The following NUDT4 variants were observed in gnomAD, a reference collection of about 807,000 sequenced individuals.
The protein encoded by NUDT4 is nudix hydrolase 4.
Under a neutral mutation model 23.1 loss-of-function variants are expected in NUDT4, and 5 were observed. The ratio of observed to expected loss-of-function variants is 0.22; its 90% CI spans 0.11 to 0.46. The LOEUF is 0.46. Ranked by LOEUF, NUDT4 falls within the 20% of genes least tolerant of loss-of-function variation. The probability of loss-of-function intolerance (pLI) is 0.99; values close to 1 mark genes in which losing one functional copy is unlikely to be tolerated. For synonymous variants in NUDT4, 50 were observed against 79.0 expected (o/e 0.63, Z 1.95); for missense variants, 96 against 211.6 (o/e 0.45, Z 3.39).
chr12:93,384,780 A>G (rs1875943800), intron 1 of NUDT4, among the ~76,000 whole-genome samples: 1 of 151,100 alleles, frequency 6.6e-6, no homozygotes, highest in Non-Finnish European at 1.5e-5. Context: ...TTTTTTTTTA[A>G]GAGTCTCACT....
At chr12:93,386,601 A>C (rs746363100) in intron 1 of NUDT4, among the ~76,000 whole-genome samples, 17 of 152,168 alleles carry the variant, frequency 1.1e-4, no homozygotes, top group Non-Finnish European at 5.9e-5. Flanking sequence ...AGAAGCTATT[A>C]ATAGTTGAGT....
rs962996493 is a variant in NUDT4 at position 93,381,153 on chromosome 12, G to T, written c.99+2732G>T. The T allele has an allele frequency of 2.6e-5, 4 of 152,196 alleles. 1 individual carries two copies. Among genetic ancestry groups the T allele is most frequent in the East Asian group, 1.9e-4 (1 of 5,184 alleles). 9.4% of individuals were successfully genotyped at this position (152,196 alleles called of 1,614,324 possible). A position where few individuals can be genotyped will look rare whatever the true frequency, so the allele number is the denominator to read the frequency against. On this transcript the variant is annotated intron_variant, in intron 1 of 4. Coordinates refer to ENST00000415493, the MANE Select transcript of NUDT4 (RefSeq NM_019094.6). ...CATTTTATCTTTTTCTGTTCTGTAGGGTAAATAAGTATTAGTATTTGTTTA... is the reference window on the plus strand; with the variant it reads ...CATTTTATCTTTTTCTGTTCTGTAGTGTAAATAAGTATTAGTATTTGTTTA...
At chr12:93,385,970 T>TATATATATATATTC (rs1243696865) in intron 1 of NUDT4, among the ~76,000 whole-genome samples, 1 of 118,624 alleles carries the variant, frequency 8.4e-6, no homozygotes, top group Non-Finnish European at 1.8e-5. Context: ...TATATATATA[T>TATATATATATATTC]ACATAATTTT....
rs1395782112 is a variant in NUDT4 at position 93,405,489 on chromosome 12, A to G, written c.*6110A>G. On this transcript the variant is annotated 3_prime_UTR_variant, in exon 5 of 5. Transcript: ENST00000415493. ...AAGGGTGACAAGATGAAACTGGGAG[A>G]GGGCCGGGGAGACCCGAACTCTTAA... 6.6e-6 allele frequency: 1 copy of G among 152,228 alleles called. No homozygotes were observed. The highest frequency in any genetic ancestry group is 1.5e-5 in the Non-Finnish European group (1 of 68,052). The allele number at this position is 152,228 out of a possible 1,614,324, so 9.4% of individuals were successfully genotyped here.
chr12:93,391,429 G>T (rs1565780028), intron 1 of NUDT4, among the ~76,000 whole-genome samples: 1 of 152,046 alleles, frequency 6.6e-6, no homozygotes, highest in Non-Finnish European at 1.5e-5. Flanking sequence ...GCTGGTCTTG[G>T]TGGGAGGTGC....
rs2120828663 is a variant in NUDT4, at chr12:93,378,318, C to T, written c.-5C>T. On this transcript the variant is annotated 5_prime_UTR_variant, in exon 1 of 5. Transcript: ENST00000415493. ...CAGCAGCAGCAGCAGCAGGAGCCCG[C>T]CTCTATGATGAAGTTCAAGCCCAAC... 7.5e-7 allele frequency: 1 copy of T among 1,329,570 alleles called. No homozygotes were observed. The highest frequency in any genetic ancestry group is 3.0e-5 in the East Asian group (1 of 33,068). 82.4% of individuals were successfully genotyped at this position (1,329,570 alleles called of 1,614,324 possible). A position where few individuals can be genotyped will look rare whatever the true frequency, so the allele number is the denominator to read the frequency against.
chr12:93,394,074 T>C (rs1377785308), intron 1 of NUDT4, among the ~76,000 whole-genome samples: 1 of 152,040 alleles, frequency 6.6e-6, no homozygotes, highest in Non-Finnish European at 1.5e-5. Context: ...ACGATCTCAG[T>C]TCATTGCAAC....
chr12:93,386,279 AG>A (rs1307404783), intron 1 of NUDT4, among the ~76,000 whole-genome samples: 2 of 151,978 alleles, frequency 1.3e-5, no homozygotes, highest in African/African-American at 4.8e-5. Flanking sequence ...GGCCTATAGA[AG>A]ATATTAATAG....
chr12:93,391,562 TTC>T (rs1876503154), intron 1 of NUDT4, among the ~76,000 whole-genome samples: 1 of 106,294 alleles, frequency 9.4e-6, no homozygotes, highest in African/African-American at 4.7e-5. Flanking sequence ...GAGACTCCAT[TTC>T]AAAAAAAAAA....
rs528891252 is a variant in NUDT4 at position 93,404,302 on chromosome 12, G to A, written c.*4923G>A. ...TAAAATAAAATGCTCAGCAGCAAAG[G>A]ATTTGTAATGGTTAACTTGCAATAT... On this transcript the variant is annotated 3_prime_UTR_variant, in exon 5 of 5. Coordinates refer to ENST00000415493, the MANE Select transcript of NUDT4 (RefSeq NM_019094.6). The A allele has an allele frequency of 6.6e-6, 1 of 152,346 alleles. No homozygotes were observed. Among genetic ancestry groups the A allele is most frequent in the South Asian group, 2.1e-4 (1 of 4,830 alleles). The allele number at this position is 152,346 out of a possible 1,614,324, so 9.4% of individuals were successfully genotyped here.
chr12:93,379,568 C>G (rs547715013), intron 1 of NUDT4, among the ~76,000 whole-genome samples: 115 of 150,792 alleles, frequency 7.6e-4, no homozygotes, highest in African/African-American at 2.6e-3. Context: ...CCTTCAAACC[C>G]TTGTTTTGCC....
At chr12:93,391,499 A>G (rs933734650) in intron 1 of NUDT4, among the ~76,000 whole-genome samples, 4 of 151,466 alleles carry the variant, frequency 2.6e-5, no homozygotes, top group African/African-American at 9.7e-5. Context: ...CGGGAGGCAG[A>G]GGTTGCTGTG....
chr12:93,391,255 C>G (rs1876478429), intron 1 of NUDT4, among the ~76,000 whole-genome samples: 1 of 151,844 alleles, frequency 6.6e-6, no homozygotes, highest in Non-Finnish European at 1.5e-5. Context: ...TGGCAAGACC[C>G]CACCTCTACA....
At chr12:93,379,206 G>GGCCC (rs1875449048) in intron 1 of NUDT4, among the ~76,000 whole-genome samples, 1 of 152,194 alleles carries the variant, frequency 6.6e-6, no homozygotes, top group African/African-American at 2.4e-5. Context: ...GTCGTTCTTG[G>GGCCC]ATAATTTACC....
intron 3 of NUDT4, among the ~76,000 whole-genome samples, chr12:93,397,241 T>C (rs540082978): frequency 1.3e-5 from 2 of 152,334 alleles, no homozygotes; most frequent in East Asian, 1.9e-4. Flanking sequence ...TTGTGAGACA[T>C]AGAAATAAAA....
intron 3 of NUDT4, among the ~76,000 whole-genome samples, chr12:93,398,542 C>G (rs191863674): frequency 4.9e-4 from 74 of 152,220 alleles, no homozygotes; most frequent in African/African-American, 1.8e-3. Flanking sequence ...GAGCCAATTT[C>G]ACCACCAGTA....
In NUDT4 at chr12:93,406,211, T is replaced by C. The variant is rs1238265934; in HGVS notation, c.*6832T>C. ...TGAACGCGGGAGGCAGAACCTGCAG[T>C]GAGCCAAGATCATGCCACAGCACTC... On this transcript the variant is annotated 3_prime_UTR_variant, in exon 5 of 5. Transcript: ENST00000415493. 7.7e-6 allele frequency: 1 copy of C among 129,662 alleles called. No homozygotes were observed. Among genetic ancestry groups the C allele is most frequent in the East Asian group, 2.4e-4 (1 of 4,240 alleles). The allele number at this position is 129,662 out of a possible 1,614,324, so 8.0% of individuals were successfully genotyped here. A position where few individuals can be genotyped will look rare whatever the true frequency, so the allele number is the denominator to read the frequency against.
chr12:93,391,006 C>T (rs1274683721), intron 1 of NUDT4, among the ~76,000 whole-genome samples: 2 of 152,156 alleles, frequency 1.3e-5, no homozygotes, highest in African/African-American at 4.8e-5. Context: ...CAGCTTGAAA[C>T]TTTCCAGTTT....
Position 93,404,039 on chromosome 12 carries a change from A to G in NUDT4, c.*4660A>G, listed in dbSNP as rs1456842432. The G allele has an allele frequency of 1.3e-5, 2 of 152,212 alleles. No homozygotes were observed. Among genetic ancestry groups the G allele is most frequent in the South Asian group, 2.1e-4 (1 of 4,834 alleles). The allele number at this position is 152,212 out of a possible 1,614,324, so 9.4% of individuals were successfully genotyped here. A position where few individuals can be genotyped will look rare whatever the true frequency, so the allele number is the denominator to read the frequency against. The stretch of plus-strand genomic sequence containing the variant: ...TGTAACATTTGACAAACATCTCCCA[A>G]TATGTAGACTCCCACTCTCCTGATG... On this transcript the variant is annotated 3_prime_UTR_variant, in exon 5 of 5. Coordinates refer to ENST00000415493, the MANE Select transcript of NUDT4 (RefSeq NM_019094.6).
Sources: allele counts gnomAD v4.1 joint callset (sites outside exome capture counted in the v4.1 genomes callset), GRCh38; gene constraint gnomAD v4.1.1; transcripts MANE v1.5; gene names NCBI Gene and HGNC (gene_info 2026-07-23, HGNC 2026-07-21).